Variants in ZC3H7B observed in about 807,000 individuals in gnomAD.
The protein encoded by ZC3H7B is zinc finger CCCH domain-containing protein 7B.
In ZC3H7B, 35 loss-of-function variants were observed where a neutral mutation model predicts 116.0. That is an observed-to-expected ratio of 0.30 (90% CI 0.23 to 0.40). The LOEUF is 0.40. ZC3H7B is among the 10% of genes least tolerant of loss of function. The pLI, the probability that ZC3H7B is intolerant of heterozygous loss-of-function variation, is 1.00. For synonymous variants in ZC3H7B, 502 were observed against 545.6 expected (o/e 0.92, Z 1.11); for missense variants, 1,011 against 1,321.5 (o/e 0.77, Z 3.64).
Position 41,327,474 on chromosome 22 carries a change from C to A in ZC3H7B, c.444+110C>A. ...CATCCTTCTGTGTCTCACTTCCTCCCCTGTGACATGGCCATGCAGATCCTG... is the reference window on the plus strand; with the variant it reads ...CATCCTTCTGTGTCTCACTTCCTCCACTGTGACATGGCCATGCAGATCCTG... On this transcript the variant is annotated intron_variant, in intron 5 of 22. Transcript: ENST00000352645. This position sits in a 1 kb window ranked among gnomAD's most constrained non-coding sequence, Gnocchi z 4.5. 7.1e-7 allele frequency: 1 copy of A among 1,408,498 alleles called. No homozygotes were observed. The highest frequency in any genetic ancestry group is 2.0e-5 in the Admixed American group (1 of 49,038). 87.3% of individuals were successfully genotyped at this position (1,408,498 alleles called of 1,614,324 possible).
At chr22:41,325,123 G>T (rs1265740290) in intron 2 of ZC3H7B, among the ~76,000 whole-genome samples, 2 of 152,168 alleles carry the variant, frequency 1.3e-5, no homozygotes, top group Non-Finnish European at 2.9e-5. Context: ...TTTAGGAGAG[G>T]GCTGGTTTTT....
intron 10 of ZC3H7B, 136 bp from the exon 11 acceptor site, chr22:41,340,950 CAG>C (rs767093696): frequency 1.5e-4 from 110 of 733,542 alleles, no homozygotes; most frequent in East Asian, 6.2e-4. Context: ...AGGATAGAGT[CAG>C]GGGTTCAGCA....
chr22:41,313,913 ATT>A (rs78941029), intron 1 of ZC3H7B, among the ~76,000 whole-genome samples: 1 of 141,448 alleles, frequency 7.1e-6, no homozygotes. Context: ...TGCCTGGCTA[ATT>A]TTTTTTTTTT....
At chr22:41,331,715 A>G (rs989852732) in intron 6 of ZC3H7B, among the ~76,000 whole-genome samples, 1 of 151,982 alleles carries the variant, frequency 6.6e-6, no homozygotes, top group Non-Finnish European at 1.5e-5. Flanking sequence ...TACAAAAAGT[A>G]CAAAAATTAG....
chr22:41,341,036 C>A (rs77726226), intron 10 of ZC3H7B, 52 bp from the exon 11 acceptor site: 6 of 1,581,976 alleles, frequency 3.8e-6, no homozygotes, highest in Non-Finnish European at 5.2e-6. Flanking sequence ...TAGGAAGGCC[C>A]CTCACGCCTC....
intron 1 of ZC3H7B, among the ~76,000 whole-genome samples, chr22:41,318,604 C>T (rs1159621349): frequency 4.0e-5 from 6 of 150,756 alleles, no homozygotes; most frequent in South Asian, 2.1e-4. Context: ...TAAAGGTTAG[C>T]GAGGCATGGT....
At chr22:41,301,977 T>G (rs74322737) in intron 1 of ZC3H7B, among the ~76,000 whole-genome samples, 3,183 of 152,050 alleles carry the variant, frequency 0.021, 42 homozygotes, top group Non-Finnish European at 0.031. Flanking sequence ...AAAACCCCAT[T>G]TGCTCCTTTT....
At position 41,342,519 on chromosome 22, in the gene ZC3H7B, C is replaced by T. The variant is rs763639164; in HGVS notation, c.1198-10C>T. ...CAGTGCCCACAATGGCCTCCTTCCT[C>T]CTGTCACAGCCAGAGCCCTGCATGC... On this transcript the variant is annotated splice_polypyrimidine_tract_variant and intron_variant, in intron 11 of 22. Transcript: ENST00000352645. The T allele has an allele frequency of 5.6e-6, 9 of 1,612,280 alleles. No homozygotes were observed. The African/African-American group carries it at 1.2e-4, about 22-fold the overall frequency.
At chr22:41,350,514 G>C (rs1365373255) in intron 16 of ZC3H7B, among the ~76,000 whole-genome samples, 31 of 152,114 alleles carry the variant, frequency 2.0e-4, no homozygotes, top group Admixed American at 2.0e-3. Context: ...TGGGAGAAGT[G>C]GTTAGATTCT....
At chr22:41,340,263 A>G (rs5751080) in intron 10 of ZC3H7B, 126 bp downstream of exon 10, 313,614 of 1,028,610 alleles carry the variant, frequency 0.3, 57,107 homozygotes, top group African/African-American at 0.68. Context: ...TAGCAATCCC[A>G]GGCCATGTCT....
intron 1 of ZC3H7B, among the ~76,000 whole-genome samples, chr22:41,312,156 CAAAAA>C (rs57597464): frequency 2.2e-5 from 2 of 88,938 alleles, no homozygotes; most frequent in African/African-American, 8.3e-5. Context: ...GACTCCGTCT[CAAAAA>C]AAAAAAAAAA....
At chr22:41,323,535 C>G (rs886357606) in intron 2 of ZC3H7B, among the ~76,000 whole-genome samples, 2 of 152,234 alleles carry the variant, frequency 1.3e-5, no homozygotes, top group African/African-American at 4.8e-5. Flanking sequence ...CCCTCCTTCT[C>G]CTTTCCAAAG....
At chr22:41,347,583 G>A (rs1036865318) in intron 14 of ZC3H7B, among the ~76,000 whole-genome samples, 3 of 152,190 alleles carry the variant, frequency 2.0e-5, no homozygotes, top group African/African-American at 4.8e-5. Flanking sequence ...GTCTGTGTCC[G>A]TAGAGCAAGG....
Position 41,349,247 on chromosome 22 carries a change from C to T in ZC3H7B, c.1894C>T (p.His632Tyr). Residue 632 changes from histidine to tyrosine, a missense_variant, in exon 16 of 23, where the codon CAC (histidine) becomes TAC (tyrosine). Coordinates refer to ENST00000352645, the MANE Select transcript of ZC3H7B (RefSeq NM_017590.6). The surrounding 1 kb of genome is among the most constrained non-coding windows in gnomAD (Gnocchi z 4.9). ...CGGCTGCCTGCGGGAGGACAGCTGC[C>T]ACTTCGCCCACAGCTTCATCGAGCT... ...RYGCLREDSC[H>Y]FAHSFIELKV... 1 of 1,613,774 alleles carries T rather than the reference C, an allele frequency of 6.2e-7. No homozygotes were observed. The highest frequency in any genetic ancestry group is 8.5e-7 in the Non-Finnish European group (1 of 1,180,014).
rs544412350 is a variant in ZC3H7B at position 41,343,499 on chromosome 22, C to T, written c.1382C>T (p.Ser461Leu). The T allele has an allele frequency of 1.6e-5, 26 of 1,613,762 alleles. No individual in the cohort carries two copies. The highest frequency in any genetic ancestry group is 2.2e-5 in the South Asian group (2 of 91,058). The change falls in exon 13 of 23, where the codon TCG (serine) becomes TTG (leucine). Residue 461 changes from serine to leucine, a missense_variant. Coordinates refer to ENST00000352645, the MANE Select transcript of ZC3H7B (RefSeq NM_017590.6). ...RDILLGRLRSSEDQTWKRIRP... is the reference protein window; with the variant it reads ...RDILLGRLRSLEDQTWKRIRP... ...ATCCTGCTCGGCCGGCTCCGGAGCT[C>T]GGAGGACCAGACCTGGAAGCGGATC... is the stretch of plus-strand genomic sequence containing the variant.
chr22:41,305,137 G>A (rs1484919753), intron 1 of ZC3H7B, among the ~76,000 whole-genome samples: 1 of 152,180 alleles, frequency 6.6e-6, no homozygotes, highest in African/African-American at 2.4e-5. Flanking sequence ...ACGAGGTCAA[G>A]AGATTGAGAC....
chr22:41,345,676 C>T (rs557953754), intron 13 of ZC3H7B, among the ~76,000 whole-genome samples: 2 of 152,312 alleles, frequency 1.3e-5, no homozygotes, highest in South Asian at 4.1e-4. Context: ...GATTACTGTA[C>T]TCTGCAGGTG....
chr22:41,312,785 C>G (rs1274328501), intron 1 of ZC3H7B, among the ~76,000 whole-genome samples: 1 of 151,920 alleles, frequency 6.6e-6, no homozygotes, highest in Non-Finnish European at 1.5e-5. Flanking sequence ...ATGGTGCGTG[C>G]CTGTGGTCCC....
rs751669080 is a variant in ZC3H7B at position 41,349,161 on chromosome 22, C to T, written c.1808C>T (p.Ser603Phe). Residue 603 changes from serine to phenylalanine, a missense_variant, in exon 16 of 23, where the codon TCC (serine) becomes TTC (phenylalanine). Physicochemically the swap from Ser to Phe is radical, Grantham distance 155 (BLOSUM62 -2). This residue lies in a region of ZC3H7B where 406 missense variants were observed against 590.2 expected (regional missense o/e 0.69). Transcript: ENST00000352645. The surrounding 1 kb of genome is among the most constrained non-coding windows in gnomAD (Gnocchi z 4.9). ...GTCCGCTCCACCTCCCTCAAGTACT[C>T]CAAGATCCGCCAGTTCCAGGAGCAC... is the stretch of plus-strand genomic sequence containing the variant. ...HIVRSTSLKY[S>F]KIRQFQEHFQ... The T allele has an allele frequency of 6.8e-6, 11 of 1,613,826 alleles. No individual in the cohort carries two copies. The highest frequency in any genetic ancestry group is 1.7e-5 in the Admixed American group (1 of 60,028).
Sources: gnomAD v4.1 joint callset for allele counts (sites outside exome capture counted in the v4.1 genomes callset) on GRCh38, gnomAD v4.1.1 for gene constraint, gnomAD v4.1.1 regional missense constraint, Gnocchi (gnomAD v3.1) non-coding constraint, MANE v1.5 for transcripts, NCBI Gene and HGNC (gene_info 2026-07-23, HGNC 2026-07-21) for gene names.